The following MALT1 variants were observed in gnomAD, a reference collection of about 807,000 sequenced individuals.
The protein encoded by MALT1 is MALT1 paracaspase.
A neutral mutation model predicts 85.5 loss-of-function variants in MALT1; 36 were observed. The ratio of observed to expected loss-of-function variants is 0.42; its 90% CI spans 0.32 to 0.56. The LOEUF is 0.56. Among genes scored for constraint, MALT1 ranks in the 20% least tolerant of loss-of-function variants. The pLI is 0.10. For missense variants in MALT1, 716 were observed against 981.6 expected (o/e 0.73, Z 3.62); for synonymous variants, 359 against 361.3 (o/e 0.99, Z 0.07).
intron 15 of MALT1, 80 bp from the exon 16 acceptor site, chr18:58,745,586 T>A (rs1195052993): frequency 2.3e-6 from 3 of 1,288,910 alleles, no homozygotes; most frequent in Non-Finnish European, 3.3e-6. Flanking sequence ...ATAGTATCAG[T>A]TAAGATGTCT....
At chr18:58,729,063 T>C (rs906833495) in intron 10 of MALT1, among the ~76,000 whole-genome samples, 6 of 152,200 alleles carry the variant, frequency 3.9e-5, no homozygotes, top group South Asian at 2.1e-4. Flanking sequence ...TTGGTTTGCA[T>C]TGTTAATTTA....
At position 58,752,318 on chromosome 18, in the gene MALT1, A is replaced by G. The variant is rs995349825; in HGVS notation, c.*4476A>G. On this transcript the variant is annotated 3_prime_UTR_variant, in exon 17 of 17. Coordinates refer to ENST00000649217, the MANE Select transcript of MALT1 (RefSeq NM_006785.4). ...ATTTTACTTTTAAGGGTTTTTTTCCAAACAGACGTCCTGACAATGTTGTTT... is the reference window on the plus strand; with the variant it reads ...ATTTTACTTTTAAGGGTTTTTTTCCGAACAGACGTCCTGACAATGTTGTTT... 4 of 152,296 alleles carry G rather than the reference A, an allele frequency of 2.6e-5. No homozygotes were observed. Among genetic ancestry groups the G allele is most frequent in the African/African-American group, 9.6e-5 (4 of 41,568 alleles). 9.4% of individuals were successfully genotyped at this position (152,296 alleles called of 1,614,324 possible).
Position 58,723,131 on chromosome 18 carries a change from G to A in MALT1, c.1102G>A (p.Glu368Lys), listed in dbSNP as rs902013273. 1.9e-6 allele frequency: 3 copies of A among 1,613,778 alleles called. No individual in the cohort carries two copies. The highest frequency in any genetic ancestry group is 2.5e-6 in the Non-Finnish European group (3 of 1,179,848). ...KLKAPLVDVY[E>K]LTNLLRQLDF... ...CAAAGCTCCTTTGGTGGATGTGTAC[G>A]AATTGACTAACTTACTGAGACAGCT... Residue 368 changes from glutamate to lysine, a missense_variant, in exon 10 of 17, where the codon GAA (glutamate) becomes AAA (lysine). Glu to Lys is a moderately conservative substitution (Grantham distance 56). Transcript: ENST00000649217.
At chr18:58,691,198 A>C (rs2054493191) in intron 2 of MALT1, 2 of 302,396 alleles carry the variant, frequency 6.6e-6, no homozygotes, top group Non-Finnish European at 6.4e-6. Context: ...GATCTTCAGG[A>C]ATGCAATGTT....
chr18:58,721,306 G>A (rs996013772), intron 9 of MALT1, among the ~76,000 whole-genome samples: 1 of 152,164 alleles, frequency 6.6e-6, no homozygotes, highest in African/African-American at 2.4e-5. Context: ...TTGAACCCGG[G>A]AGGCAGAAGG....
At chr18:58,688,528 T>G (rs2054442543) in intron 2 of MALT1, among the ~76,000 whole-genome samples, 1 of 118,918 alleles carries the variant, frequency 8.4e-6, no homozygotes, top group Non-Finnish European at 1.7e-5. Context: ...AATGAGGCCC[T>G]GTTTCTACAA....
At chr18:58,734,430 C>A (rs750559824) in intron 12 of MALT1, 49 bp downstream of exon 12, 1 of 1,504,252 alleles carries the variant, frequency 6.6e-7, no homozygotes. Context: ...TGTTTGATGT[C>A]TTTTTGTTTT....
Position 58,754,038 on chromosome 18 carries a change from G to A in MALT1, c.*6196G>A, listed in dbSNP as rs1193489908. On this transcript the variant is annotated 3_prime_UTR_variant, in exon 17 of 17. Coordinates refer to ENST00000649217, the MANE Select transcript of MALT1 (RefSeq NM_006785.4). ...AGGGTAGCAGATAGAATGCCTTTCT[G>A]TGTGCTAGGTTTAAACATTTTACAC... The A allele has an allele frequency of 1.3e-5, 2 of 152,182 alleles. No individual in the cohort carries two copies. The highest frequency in any genetic ancestry group is 4.8e-5 in the African/African-American group (2 of 41,446). The allele number at this position is 152,182 out of a possible 1,614,324, so 9.4% of individuals were successfully genotyped here.
Position 58,696,363 on chromosome 18 carries a change from T to TTTTTTTAAAAA in MALT1, c.377-3_377-2insTTTTTTAAAAA. On this transcript the variant is annotated splice_polypyrimidine_tract_variant and splice_region_variant and intron_variant, in intron 2 of 16. Coordinates refer to ENST00000649217, the MANE Select transcript of MALT1 (RefSeq NM_006785.4). Reference sequence around the variant, plus strand: ...TTTTTTTTTTTTTTTTTTTTTTTTTTAGGAATAAAGATTACTGTAAACCCA... The same window carrying TTTTTTTAAAAA: ...TTTTTTTTTTTTTTTTTTTTTTTTTTTTTTTTAAAAAAGGAATAAAGATTACTGTAAACCCA... The TTTTTTTAAAAA allele has an allele frequency of 7.3e-7, 1 of 1,373,298 alleles. No homozygotes were observed. Among genetic ancestry groups the TTTTTTTAAAAA allele is most frequent in the Non-Finnish European group, 9.5e-7 (1 of 1,050,652 alleles). The allele number at this position is 1,373,298 out of a possible 1,614,324, so 85.1% of individuals were successfully genotyped here. A position where few individuals can be genotyped will look rare whatever the true frequency, so the allele number is the denominator to read the frequency against.
intron 3 of MALT1, among the ~76,000 whole-genome samples, chr18:58,699,204 A>G (rs1334184060): frequency 6.6e-6 from 1 of 152,248 alleles, no homozygotes; most frequent in Non-Finnish European, 1.5e-5. Context: ...ATAAATAAGT[A>G]CAGACATGGA....
chr18:58,731,586 G>A (rs1023374030), intron 10 of MALT1, among the ~76,000 whole-genome samples: 1 of 152,050 alleles, frequency 6.6e-6, no homozygotes, highest in Non-Finnish European at 1.5e-5. Context: ...AATCTACCTC[G>A]CTCTCTCTCT....
intron 10 of MALT1, among the ~76,000 whole-genome samples, chr18:58,723,979 G>A (rs2055019485): frequency 6.6e-6 from 1 of 152,232 alleles, no homozygotes; most frequent in East Asian, 1.9e-4. Flanking sequence ...CATCTGAACC[G>A]TGTTTTGCAG....
intron 1 of MALT1, 71 bp downstream of exon 1, chr18:58,671,923 G>A: frequency 2.8e-6 from 3 of 1,082,490 alleles, no homozygotes; most frequent in Non-Finnish European, 3.5e-6. Context: ...AGGTGGGGGC[G>A]CTGTCGGTGG....
chr18:58,746,629 C>A (rs575130994), intron 16 of MALT1, among the ~76,000 whole-genome samples: 2 of 151,676 alleles, frequency 1.3e-5, no homozygotes, highest in African/African-American at 4.9e-5. Flanking sequence ...AAAAGTTAGC[C>A]CATTATCTGA....
intron 4 of MALT1, among the ~76,000 whole-genome samples, chr18:58,702,912 A>G (rs1187711007): frequency 1.3e-5 from 2 of 152,234 alleles, no homozygotes; most frequent in East Asian, 3.8e-4. Flanking sequence ...TATTTGGTGC[A>G]CAGTCAAGAA....
intron 4 of MALT1, among the ~76,000 whole-genome samples, chr18:58,707,816 G>A (rs997476181): frequency 6.6e-6 from 1 of 152,158 alleles, no homozygotes; most frequent in Non-Finnish European, 1.5e-5. Context: ...TTAGGTCTGT[G>A]CTTTAGATGT....
At chr18:58,699,977 C>T (rs117088484) in intron 3 of MALT1, among the ~76,000 whole-genome samples, 2,226 of 152,278 alleles carry the variant, frequency 0.015, 22 homozygotes, top group Middle Eastern at 0.031. Flanking sequence ...TCAGAAGGTC[C>T]GGGGTCTCAA....
chr18:58,725,433 A>G (rs1206342408), intron 10 of MALT1, among the ~76,000 whole-genome samples: 2 of 152,218 alleles, frequency 1.3e-5, no homozygotes, highest in Admixed American at 6.5e-5. Context: ...TCTGGAAAAA[A>G]AAAATCTGAA....
intron 10 of MALT1, among the ~76,000 whole-genome samples, chr18:58,723,961 G>A (rs1331543997): frequency 3.9e-5 from 6 of 152,144 alleles, no homozygotes; most frequent in South Asian, 2.1e-4. Flanking sequence ...AAGGCCAGCT[G>A]TTGAGCTCAT....
Sources: allele counts gnomAD v4.1 joint callset (sites outside exome capture counted in the v4.1 genomes callset), GRCh38; gene constraint gnomAD v4.1.1; transcripts MANE v1.5; gene names NCBI Gene and HGNC (gene_info 2026-07-23, HGNC 2026-07-21).